Variants in COL20A1 observed in about 807,000 individuals in gnomAD.
The protein encoded by COL20A1 is collagen type XX alpha 1 chain, also known as collagen alpha-1(XX) chain.
Under a neutral mutation model 152.9 loss-of-function variants are expected in COL20A1, and 164 were observed. That is an observed-to-expected ratio of 1.07 (90% CI 0.94 to 1.22). COL20A1 has a LOEUF of 1.22. Among genes scored for constraint, COL20A1 ranks in the 50% most tolerant of loss-of-function variants. The probability of loss-of-function intolerance (pLI) is 0.00; values close to 1 mark genes in which losing one functional copy is unlikely to be tolerated. For missense variants in COL20A1, 1,873 were observed against 1,744.8 expected (o/e 1.07, Z -1.31); for synonymous variants, 864 against 756.0 (o/e 1.14, Z -2.34).
In COL20A1 at chr20:63,331,094, A is replaced by G. The variant is rs1286742448; in HGVS notation, c.*378A>G. On this transcript the variant is annotated 3_prime_UTR_variant, in exon 36 of 36. Transcript: ENST00000358894. ...GGCAGCAGTGCCCTGTGGCCGTCTC[A>G]GTAGCTCTAAAACAGGCTCAACAAC... The G allele has an allele frequency of 6.6e-6, 1 of 152,352 alleles. No individual in the cohort carries two copies. The highest frequency in any genetic ancestry group is 1.5e-5 in the Non-Finnish European group (1 of 68,124). 9.4% of individuals were successfully genotyped at this position (152,352 alleles called of 1,614,324 possible). A position where few individuals can be genotyped will look rare whatever the true frequency, so the allele number is the denominator to read the frequency against.
intron 34 of COL20A1, among the ~76,000 whole-genome samples, chr20:63,328,990 A>G (rs2068296387): frequency 6.6e-6 from 1 of 152,022 alleles, no homozygotes; most frequent in Admixed American, 6.6e-5. Flanking sequence ...GCTGAGATGG[A>G]GGAGAGGCTG....
In COL20A1 at chr20:63,306,661, C is replaced by G. The variant is rs935412061; in HGVS notation, c.496+622C>G. Among the ~76,000 whole-genome samples, 1 of 152,176 alleles carries G rather than the reference C, an allele frequency of 6.6e-6. No individual in the cohort carries two copies. Among genetic ancestry groups the G allele is most frequent in the African/African-American group, 2.4e-5 (1 of 41,450 alleles). On this transcript the variant is annotated intron_variant, in intron 5 of 35. Coordinates refer to ENST00000358894, the MANE Select transcript of COL20A1 (RefSeq NM_020882.4). This position sits in a 1 kb window ranked among gnomAD's most constrained non-coding sequence, Gnocchi z 6.9. ...AAGCCAGGTAAGGGGTGGGCACAGA[C>G]GGGGGCAGTGCACTGTGTCTGCCCA...
chr20:63,310,476 G>C lies in COL20A1; in HGVS notation c.1359G>C (p.Gly453=). The C allele has an allele frequency of 6.2e-7, 1 of 1,606,524 alleles. No homozygotes were observed. ...LVSVFPIYEG[G]VGEGLRGLVT... ...CCGTGTTCCCCATCTATGAGGGCGG[G>C]GTTGGCGAAGGCCTGCGGGGCCTGG... The change falls in exon 11 of 36, where the codon GGG becomes GGC. Residue 453 remains glycine (G), a synonymous_variant. Transcript: ENST00000358894.
At chr20:63,296,727 C>T (rs2067798578) in intron 2 of COL20A1, among the ~76,000 whole-genome samples, 1 of 152,188 alleles carries the variant, frequency 6.6e-6, no homozygotes, top group South Asian at 2.1e-4. Flanking sequence ...TCACAGCTGG[C>T]CTTCAGAGCC....
At chr20:63,322,255 G>T (rs1218567363) in intron 27 of COL20A1, 144 bp downstream of exon 27, 7 of 645,486 alleles carry the variant, frequency 1.1e-5, no homozygotes, top group African/African-American at 7.8e-5. Context: ...CTGCAGACAG[G>T]CAGGGACCCC....
At chr20:63,325,311 G>A in intron 27 of COL20A1, 130 bp from the exon 28 acceptor site, 2 of 753,816 alleles carry the variant, frequency 2.7e-6, no homozygotes, top group Non-Finnish European at 4.8e-6. Context: ...AGAAGGTCCT[G>A]GAGGCCAGCA....
At chr20:63,310,628 A>G in intron 11 of COL20A1, 118 bp downstream of exon 11, 2 of 1,122,016 alleles carry the variant, frequency 1.8e-6, no homozygotes, top group Non-Finnish European at 2.5e-6. Flanking sequence ...AACCACCCAC[A>G]GTTGGCACCA....
rs376830125 is a variant in COL20A1, at chr20:63,295,129, C to G, written c.22C>G (p.His8Asp). The change falls in exon 2 of 36, where the codon CAC becomes GAC. Residue 8 changes from histidine (H) to aspartate (D), a missense_variant. Physicochemically the swap from His to Asp is moderately conservative, Grantham distance 81 (BLOSUM62 -1). Coordinates refer to ENST00000358894, the MANE Select transcript of COL20A1 (RefSeq NM_020882.4). ...CACCATGAGCTCCGGAGACCCTGCA[C>G]ACCTCGGCCTCTGCCTCTGGCTGTG... The part of the protein sequence containing the change: MSSGDPA[H>D]LGLCLWLWLG... 6.8e-5 allele frequency: 106 copies of G among 1,552,788 alleles called. No individual in the cohort carries two copies. Among genetic ancestry groups the G allele is most frequent in the Non-Finnish European group, 8.6e-5 (99 of 1,148,386 alleles).
At chr20:63,325,763 G>A (rs1223863557) in intron 29 of COL20A1, 42 bp downstream of exon 29, 2 of 1,576,562 alleles carry the variant, frequency 1.3e-6, no homozygotes, top group Non-Finnish European at 1.7e-6. Context: ...GGGTGGTAGA[G>A]ACTGGCCTGG....
chr20:63,334,517 A>G lies in COL20A1; in HGVS notation c.*3801A>G, dbSNP rs2068370319. 1 of 152,244 alleles carries G rather than the reference A, an allele frequency of 6.6e-6. No homozygotes were observed. Among genetic ancestry groups the G allele is most frequent in the Non-Finnish European group, 1.5e-5 (1 of 68,046 alleles). The allele number at this position is 152,244 out of a possible 1,614,324, so 9.4% of individuals were successfully genotyped here. ...GCAACCTCTGTGCCACCCTGGGCTC[A>G]AGTGGTCCTCCTGCTCCGGTCTTCT... On this transcript the variant is annotated 3_prime_UTR_variant, in exon 36 of 36. Coordinates refer to ENST00000358894, the MANE Select transcript of COL20A1 (RefSeq NM_020882.4).
chr20:63,328,569 G>C, intron 34 of COL20A1, 71 bp downstream of exon 34: 1 of 1,413,316 alleles, frequency 7.1e-7, no homozygotes, highest in Non-Finnish European at 9.6e-7. Flanking sequence ...TGGTCCTGGG[G>C]CTGGGGCTTC....
chr20:63,325,321 A>G (rs773007985), intron 27 of COL20A1, 120 bp from the exon 28 acceptor site: 1 of 789,404 alleles, frequency 1.3e-6, no homozygotes, highest in South Asian at 1.4e-5. Flanking sequence ...GGAGGCCAGC[A>G]GGGCTCGCCG....
At chr20:63,297,132 G>A (rs558305570) in intron 2 of COL20A1, among the ~76,000 whole-genome samples, 2 of 152,340 alleles carry the variant, frequency 1.3e-5, no homozygotes, top group African/African-American at 4.8e-5. Context: ...CTTCCAGTGT[G>A]GGATTCTGCA....
chr20:63,318,594 T>G (rs920129381), intron 21 of COL20A1, among the ~76,000 whole-genome samples: 10 of 152,052 alleles, frequency 6.6e-5, no homozygotes, highest in Non-Finnish European at 8.8e-5. Flanking sequence ...GTAGTGATCC[T>G]GAGACTCCCC....
intron 21 of COL20A1, among the ~76,000 whole-genome samples, chr20:63,317,196 C>T (rs540872598): frequency 1.3e-4 from 20 of 152,258 alleles, no homozygotes; most frequent in Admixed American, 2.6e-4. Flanking sequence ...ATGATAAAGG[C>T]GGAAGCCAGG....
intron 31 of COL20A1, 46 bp downstream of exon 31, chr20:63,326,869 C>G (rs773111719): frequency 7.3e-7 from 1 of 1,365,934 alleles, no homozygotes; most frequent in Non-Finnish European, 9.7e-7. Flanking sequence ...GGTGGGGGAG[C>G]GAAGGGTGCA....
intron 3 of COL20A1, among the ~76,000 whole-genome samples, chr20:63,304,499 G>C (rs111174532): frequency 0.014 from 265 of 18,804 alleles, no homozygotes; most frequent in Admixed American, 0.018. Context: ...TCTTCTCCCT[G>C]CAGGTGCGCA....
chr20:63,323,192 ACTT>A (rs749111511), intron 27 of COL20A1, among the ~76,000 whole-genome samples: 13 of 152,238 alleles, frequency 8.5e-5, no homozygotes, highest in African/African-American at 2.4e-4. Flanking sequence ...ATGTCCTCTG[ACTT>A]CTTCTCCACC....
At position 63,311,535 on chromosome 20, in the gene COL20A1, G is replaced by A. The variant is rs765694163; in HGVS notation, c.1535G>A (p.Arg512Gln). 1.9e-5 allele frequency: 31 copies of A among 1,598,368 alleles called. No homozygotes were observed. In the East Asian group the frequency reaches 3.8e-4, roughly 20 times the overall value. Reference protein sequence around the residue: ...PASPKGEEEEREVQVGRPEVL... With the variant: ...PASPKGEEEEQEVQVGRPEVL... Reference sequence around the variant, plus strand: ...TCCCCCAAGGGTGAAGAGGAGGAGCGAGAGGTGAGCTGGGCCGGGGGGTGG... The same window carrying A: ...TCCCCCAAGGGTGAAGAGGAGGAGCAAGAGGTGAGCTGGGCCGGGGGGTGG... The change falls in exon 12 of 36, where the codon CGA (arginine) becomes CAA (glutamine). Residue 512 changes from arginine (R) to glutamine (Q), a missense_variant. Arg to Gln is a conservative substitution (Grantham distance 43). Coordinates refer to ENST00000358894, the MANE Select transcript of COL20A1 (RefSeq NM_020882.4). This position sits in a 1 kb window ranked among gnomAD's most constrained non-coding sequence, Gnocchi z 4.4.
Sources: allele counts gnomAD v4.1 joint callset (sites outside exome capture counted in the v4.1 genomes callset), GRCh38; gene constraint gnomAD v4.1.1; non-coding constraint Gnocchi (gnomAD v3.1); transcripts MANE v1.5; gene names NCBI Gene and HGNC (gene_info 2026-07-23, HGNC 2026-07-21).